The following TRAK1 variants were observed in gnomAD, a reference collection of about 807,000 sequenced individuals.
The protein encoded by TRAK1 is trafficking kinesin-binding protein 1.
In TRAK1, 33 loss-of-function variants were observed where a neutral mutation model predicts 92.1. The ratio of observed to expected loss-of-function variants is 0.36; its 90% CI spans 0.27 to 0.48. The LOEUF (loss-of-function observed/expected upper bound fraction) is 0.48, where lower values mean the gene tolerates loss of function less well. Among genes scored for constraint, TRAK1 ranks in the 20% least tolerant of loss-of-function variants. TRAK1 has a pLI of 0.99. For missense variants in TRAK1, 1,123 were observed against 1,257.9 expected, an observed-to-expected ratio of 0.89 and a Z score of 1.62; for synonymous variants, 521 against 517.3, an observed-to-expected ratio of 1.01 and a Z score of -0.10.
intron 12 of TRAK1, 104 bp downstream of exon 12, chr3:42,201,158 A>G: frequency 7.8e-7 from 1 of 1,277,706 alleles, no homozygotes; most frequent in South Asian, 1.3e-5. Flanking sequence ...GATGAGAGTC[A>G]CCTGAAAAAT....
At chr3:42,092,219 T>A (rs1467871082) in intron 1 of TRAK1, among the ~76,000 whole-genome samples, 1 of 152,168 alleles carries the variant, frequency 6.6e-6, no homozygotes, top group African/African-American at 2.4e-5. Context: ...CTGACACCTC[T>A]CACTTCCTCT....
At chr3:42,078,825 AG>A (rs1341240523) in intron 1 of TRAK1, among the ~76,000 whole-genome samples, 1 of 152,242 alleles carries the variant, frequency 6.6e-6, no homozygotes, top group East Asian at 1.9e-4. Flanking sequence ...TGGAATTCCA[AG>A]TGTGAAAAGG....
intron 2 of TRAK1, among the ~76,000 whole-genome samples, chr3:42,153,405 TAAAA>T (rs890153676): frequency 6.8e-6 from 1 of 146,800 alleles, no homozygotes; most frequent in African/African-American, 2.5e-5. Context: ...TTAAAAAAAA[TAAAA>T]AAAAAAGGAA....
chr3:42,113,035 T>C (rs953842511), intron 1 of TRAK1, among the ~76,000 whole-genome samples: 19 of 151,946 alleles, frequency 1.3e-4, no homozygotes, highest in Non-Finnish European at 2.4e-4. Flanking sequence ...CCTCCCAAAG[T>C]GCTGGGATTA....
chr3:42,077,371 C>T (rs1287182476), intron 1 of TRAK1, among the ~76,000 whole-genome samples: 2 of 152,164 alleles, frequency 1.3e-5, no homozygotes, highest in Admixed American at 6.5e-5. Flanking sequence ...TCACTGCAAC[C>T]TCTGCCTCCT....
rs4016239 is a variant in TRAK1 at position 42,158,961 on chromosome 3, A to AAATAATAATAAT, written c.287-17822_287-17811dup. 4.9e-3 allele frequency among the ~76,000 whole-genome samples: 693 copies of AAATAATAATAAT among 140,166 alleles called. 4 individuals are homozygous for AAATAATAATAAT. The highest frequency in any genetic ancestry group is 0.013 in the African/African-American group (517 of 38,340). The allele number at this position is 140,166 out of a possible 152,430, so 92.0% of individuals were successfully genotyped here. A position where few individuals can be genotyped will look rare whatever the true frequency, so the allele number is the denominator to read the frequency against. ...GCGACAAAGCAAGACTCTGTCTCAA[A>AAATAATAATAAT]AATAATAATAATAATAATAATAATA... On this transcript the variant is annotated intron_variant, in intron 2 of 15. Coordinates refer to ENST00000327628, the MANE Select transcript of TRAK1 (RefSeq NM_001042646.3).
intron 1 of TRAK1, among the ~76,000 whole-genome samples, chr3:42,041,657 G>A (rs1432268805): frequency 1.3e-5 from 2 of 151,160 alleles, no homozygotes. Context: ...AATAGGAGTC[G>A]TAAGAGTGGA....
chr3:42,098,844 G>C (rs1299628199), intron 1 of TRAK1, among the ~76,000 whole-genome samples: 1 of 152,100 alleles, frequency 6.6e-6, no homozygotes, highest in Non-Finnish European at 1.5e-5. Flanking sequence ...CCAGAATTGG[G>C]TTTTGCTGTA....
chr3:42,225,235 C>T lies in TRAK1; in HGVS notation c.*1498C>T, dbSNP rs1710676877. On this transcript the variant is annotated 3_prime_UTR_variant, in exon 16 of 16. Coordinates refer to ENST00000327628, the MANE Select transcript of TRAK1 (RefSeq NM_001042646.3). ...GTGTCCTGTGACACCGTGTTCCAGA[C>T]ATTTATGGAAGGAAAACATCCCATA... is the stretch of plus-strand genomic sequence containing the variant. 1 of 152,080 alleles carries T rather than the reference C, an allele frequency of 6.6e-6. No homozygotes were observed. The highest frequency in any genetic ancestry group is 1.5e-5 in the Non-Finnish European group (1 of 68,016). The allele number at this position is 152,080 out of a possible 1,614,324, so 9.4% of individuals were successfully genotyped here.
intron 2 of TRAK1, among the ~76,000 whole-genome samples, chr3:42,139,153 A>G (rs1326474245): frequency 1.3e-5 from 2 of 152,124 alleles, no homozygotes; most frequent in Non-Finnish European, 2.9e-5. Context: ...GTTATCAAGA[A>G]TTTCTTTTGT....
At position 42,191,573 on chromosome 3, in the gene TRAK1, A is replaced by G; in HGVS notation, c.706A>G (p.Thr236Ala). Residue 236 changes from threonine to alanine, a missense_variant, in exon 7 of 16, where the codon ACA becomes GCA. By Grantham distance (58) the Thr-to-Ala change is moderately conservative. Coordinates refer to ENST00000327628, the MANE Select transcript of TRAK1 (RefSeq NM_001042646.3). ...TTGTCTACAGGCCAGCCAGCTGAAG[A>G]CAGAGACCATCACCTATGAGGAGAA... ...VLRSEASQLK[T>A]ETITYEEKEQ... The G allele has an allele frequency of 1.0e-5, 16 of 1,599,010 alleles. No homozygotes were observed. Among genetic ancestry groups the G allele is most frequent in the Non-Finnish European group, 1.3e-5 (15 of 1,172,596 alleles).
chr3:42,034,543 A>G (rs1026982641), intron 1 of TRAK1, among the ~76,000 whole-genome samples: 1 of 152,072 alleles, frequency 6.6e-6, no homozygotes, highest in African/African-American at 2.4e-5. Flanking sequence ...TGCCCGCCTC[A>G]GTCTCCTGAA....
At chr3:42,057,234 A>G (rs1367585981) in intron 1 of TRAK1, among the ~76,000 whole-genome samples, 1 of 152,182 alleles carries the variant, frequency 6.6e-6, no homozygotes, top group East Asian at 1.9e-4. Context: ...TCTTATGTAA[A>G]TATGGATGGA....
intron 1 of TRAK1, among the ~76,000 whole-genome samples, chr3:42,119,348 C>T (rs911556993): frequency 6.6e-6 from 1 of 151,954 alleles, no homozygotes; most frequent in Non-Finnish European, 1.5e-5. Flanking sequence ...AACAGCTGGT[C>T]TAAAAACTCA....
At chr3:42,052,122 C>A (rs1332578895) in intron 1 of TRAK1, among the ~76,000 whole-genome samples, 1 of 152,236 alleles carries the variant, frequency 6.6e-6, no homozygotes, top group South Asian at 2.1e-4. Context: ...ATTAAAGAAG[C>A]ACCACCTGGG....
intron 3 of TRAK1, among the ~76,000 whole-genome samples, chr3:42,184,336 A>C (rs142598099): frequency 1.3e-3 from 192 of 152,400 alleles, no homozygotes; most frequent in Non-Finnish European, 2.2e-3. Flanking sequence ...ACAATAGCCC[A>C]GCCCTCAGGT....
chr3:42,147,352 G>A (rs1009751879), intron 2 of TRAK1, among the ~76,000 whole-genome samples: 1 of 152,112 alleles, frequency 6.6e-6, no homozygotes, highest in Non-Finnish European at 1.5e-5. Flanking sequence ...AGTTTGGTTG[G>A]GAGTGTCTTG....
At chr3:42,025,902 G>A (rs1701895724) in intron 1 of TRAK1, among the ~76,000 whole-genome samples, 1 of 152,192 alleles carries the variant, frequency 6.6e-6, no homozygotes, top group East Asian at 1.9e-4. Flanking sequence ...AGAAAAAAGA[G>A]GGACTCTTTA....
intron 2 of TRAK1, among the ~76,000 whole-genome samples, chr3:42,152,289 G>A (rs953732787): frequency 6.6e-6 from 1 of 152,198 alleles, no homozygotes; most frequent in Non-Finnish European, 1.5e-5. Flanking sequence ...ATTACCCAGT[G>A]TCTTCAAGTA....
Sources: allele counts gnomAD v4.1 joint callset (sites outside exome capture counted in the v4.1 genomes callset), GRCh38; gene constraint gnomAD v4.1.1; transcripts MANE v1.5; gene names NCBI Gene and HGNC (gene_info 2026-07-23, HGNC 2026-07-21).